ETV5: variants seen among roughly 807,000 people sequenced by gnomAD.
The protein encoded by ETV5 is ETS translocation variant 5.
Under a neutral mutation model 70.0 loss-of-function variants are expected in ETV5, and 10 were observed. The ratio of observed to expected loss-of-function variants is 0.14; its 90% CI spans 0.09 to 0.24. ETV5 has a LOEUF of 0.24. ETV5 is among the 10% of genes least tolerant of loss of function. ETV5 has a pLI of 1.00. For synonymous variants in ETV5, 216 were observed against 242.2 expected, an observed-to-expected ratio of 0.89 and a Z score of 1.01; for missense variants, 453 against 651.2, an observed-to-expected ratio of 0.70 and a Z score of 3.31.
chr3:186,100,778 G>A (rs1399778955), intron 5 of ETV5, among the ~76,000 whole-genome samples: 6 of 152,120 alleles, frequency 3.9e-5, no homozygotes, highest in African/African-American at 4.8e-5. Flanking sequence ...TGGTATGGAG[G>A]CCATGACTTT....
rs556802135 is a variant in ETV5, at chr3:186,078,849, C to T, written c.650+968G>A. Among the ~76,000 whole-genome samples the T allele has an allele frequency of 1.4e-3, 215 of 152,224 alleles. 1 individual carries two copies. Among genetic ancestry groups the T allele is most frequent in the Middle Eastern group, 6.8e-3 (2 of 294 alleles). On this transcript the variant is annotated intron_variant, in intron 7 of 12. Coordinates refer to ENST00000306376, the MANE Select transcript of ETV5 (RefSeq NM_004454.3). ...AAACGGGAAGGGGATCAGAACCAGA[C>T]AAAGGGACCTTATTTTTTCCCCTGC...
intron 9 of ETV5, among the ~76,000 whole-genome samples, chr3:186,060,015 A>G (rs1280587600): frequency 6.6e-6 from 1 of 152,200 alleles, no homozygotes; most frequent in African/African-American, 2.4e-5. Context: ...ATAATCCACT[A>G]TGCTTCAAAC....
At chr3:186,091,366 G>T (rs567036377) in intron 5 of ETV5, among the ~76,000 whole-genome samples, 1 of 152,252 alleles carries the variant, frequency 6.6e-6, no homozygotes, top group African/African-American at 2.4e-5. Context: ...CATATGTCTC[G>T]GCAAGAACCA....
At chr3:186,095,049 G>C (rs192655023) in intron 5 of ETV5, 55 of 152,312 alleles carry the variant, frequency 3.6e-4, no homozygotes, top group Admixed American at 3.3e-4. Context: ...AGCATTATTT[G>C]AATCAGTGTT....
intron 12 of ETV5, among the ~76,000 whole-genome samples, chr3:186,051,669 G>A (rs1467572860): frequency 6.6e-6 from 1 of 152,152 alleles, no homozygotes; most frequent in Non-Finnish European, 1.5e-5. Flanking sequence ...CTTCAATCAA[G>A]CTGTTGAAGT....
chr3:186,067,125 T>A (rs897478345), intron 7 of ETV5, among the ~76,000 whole-genome samples: 11 of 151,498 alleles, frequency 7.3e-5, no homozygotes, highest in Non-Finnish European at 1.3e-4. Flanking sequence ...CAAAACCCCA[T>A]CTCTACTAAA....
intron 9 of ETV5, among the ~76,000 whole-genome samples, chr3:186,061,072 A>C (rs902220379): frequency 1.3e-5 from 2 of 152,214 alleles, no homozygotes; most frequent in African/African-American, 2.4e-5. Context: ...TCGGTCTCCC[A>C]TCTAACCAAG....
At chr3:186,050,395 G>A (rs911945658) in intron 12 of ETV5, among the ~76,000 whole-genome samples, 6 of 152,108 alleles carry the variant, frequency 3.9e-5, no homozygotes, top group African/African-American at 1.4e-4. Context: ...ACTGTGTCCT[G>A]GGTTGCATCT....
chr3:186,065,527 C>A (rs1713419535), intron 8 of ETV5, among the ~76,000 whole-genome samples: 1 of 152,128 alleles, frequency 6.6e-6, no homozygotes. Context: ...CAAAACTGAA[C>A]CCCAACACTC....
At chr3:186,048,925 C>T (rs963233553) in intron 12 of ETV5, 65 bp from the exon 13 acceptor site, 9 of 1,339,110 alleles carry the variant, frequency 6.7e-6, no homozygotes, top group Non-Finnish European at 9.5e-6. Context: ...GGGAAGAGAA[C>T]GAGGTATTCC....
intron 11 of ETV5, among the ~76,000 whole-genome samples, chr3:186,055,353 T>G (rs1412720170): frequency 2.0e-5 from 3 of 152,166 alleles, no homozygotes; most frequent in Non-Finnish European, 4.4e-5. Flanking sequence ...CCAGGCCACG[T>G]TATTCAGAAA....
In ETV5 at chr3:186,081,148, T is replaced by C. The variant is rs1345723205; in HGVS notation, c.260A>G (p.Lys87Arg). The change falls in exon 6 of 13, where the codon AAG becomes AGG. Residue 87 changes from lysine to arginine, a missense_variant. By Grantham distance (26) the Lys-to-Arg change is conservative (BLOSUM62 2). Coordinates refer to ENST00000306376, the MANE Select transcript of ETV5 (RefSeq NM_004454.3). Reference sequence around the variant, plus strand: ...GGGGCTGTGCAGCTCCCGTTTGATCTTGGTTGGAGGTGGGGCATGAAGCAC... The same window carrying C: ...GGGGCTGTGCAGCTCCCGTTTGATCCTGGTTGGAGGTGGGGCATGAAGCAC... ...NLVLHAPPPT[K>R]IKRELHSPSS... 6.2e-7 allele frequency: 1 copy of C among 1,613,410 alleles called. No homozygotes were observed. The highest frequency in any genetic ancestry group is 1.1e-5 in the South Asian group (1 of 90,970).
chr3:186,075,625 AC>A (rs1713765447), intron 7 of ETV5, among the ~76,000 whole-genome samples: 1 of 152,178 alleles, frequency 6.6e-6, no homozygotes, highest in Non-Finnish European at 1.5e-5. Flanking sequence ...ACATTCTCAA[AC>A]AGCTTAGGCT....
intron 5 of ETV5, among the ~76,000 whole-genome samples, chr3:186,084,548 C>G (rs78591369): frequency 6.6e-6 from 1 of 152,164 alleles, no homozygotes; most frequent in African/African-American, 2.4e-5. Context: ...GCCTATGATG[C>G]TAAGCAAAAC....
intron 7 of ETV5, chr3:186,078,198 G>GT: frequency 9.5e-7 from 1 of 1,051,392 alleles, no homozygotes; most frequent in Non-Finnish European, 1.1e-6. Flanking sequence ...TGTTAATACA[G>GT]TATGTTACAT....
At chr3:186,094,244 C>T (rs1033232022) in intron 5 of ETV5, among the ~76,000 whole-genome samples, 5 of 152,198 alleles carry the variant, frequency 3.3e-5, no homozygotes, top group South Asian at 2.1e-4. Flanking sequence ...GAGAGCCTTC[C>T]GTCCACGGGT....
intron 9 of ETV5, among the ~76,000 whole-genome samples, chr3:186,062,449 C>T (rs1187200210): frequency 3.3e-5 from 5 of 152,112 alleles, no homozygotes; most frequent in African/African-American, 4.8e-5. Flanking sequence ...GGTGAAACCC[C>T]GTCTCTACTA....
chr3:186,092,366 T>C (rs1409342173), intron 5 of ETV5, among the ~76,000 whole-genome samples: 1 of 152,216 alleles, frequency 6.6e-6, no homozygotes, highest in Non-Finnish European at 1.5e-5. Context: ...GACAGTGGAA[T>C]TTCTCCCAGA....
chr3:186,075,783 C>A (rs1403885268), intron 7 of ETV5, among the ~76,000 whole-genome samples: 1 of 152,224 alleles, frequency 6.6e-6, no homozygotes, highest in Non-Finnish European at 1.5e-5. Context: ...TCTTCAGGTA[C>A]AGGAGCATTT....
Sources: allele counts gnomAD v4.1 joint callset (sites outside exome capture counted in the v4.1 genomes callset), GRCh38; gene constraint gnomAD v4.1.1; transcripts MANE v1.5; gene names NCBI Gene and HGNC (gene_info 2026-07-23, HGNC 2026-07-21).